Variants in SPATA2L observed in about 807,000 individuals in gnomAD.
SPATA2L encodes the protein spermatogenesis-associated protein 2-like protein.
Under a neutral mutation model 8.7 loss-of-function variants are expected in SPATA2L, and 5 were observed. The observed-to-expected ratio is 0.57, with a 90% CI of 0.30 to 1.21. The LOEUF is 1.21. Among genes scored for constraint, SPATA2L ranks in the 50% most tolerant of loss-of-function variants. The pLI is 0.07. For missense variants in SPATA2L, 671 were observed against 591.0 expected (o/e 1.14, Z -1.40); for synonymous variants, 358 against 275.8 (o/e 1.30, Z -2.95).
intron 2 of SPATA2L, among the ~76,000 whole-genome samples, chr16:89,700,529 T>C (rs531005595): frequency 2.6e-5 from 4 of 152,270 alleles, no homozygotes; most frequent in African/African-American, 9.6e-5. Flanking sequence ...CCATCTGCAG[T>C]CCTCCCAGCC....
chr16:89,697,824 G>A lies in SPATA2L; in HGVS notation c.785C>T (p.Pro262Leu), dbSNP rs779719663. ...CAGTTTGGCACTCTGCTCCCAGAGT[G>A]GTGGCCTGTAGGCCAGCTCCGCCGG... ...SPPAELAYRP[P>L]LWEQSAKLWG... The change falls in exon 3 of 3, where the codon CCA becomes CTA. Residue 262 changes from proline to leucine, a missense_variant. Coordinates refer to ENST00000289805, the MANE Select transcript of SPATA2L (RefSeq NM_152339.4). 8 of 1,605,444 alleles carry A rather than the reference G, an allele frequency of 5.0e-6. No homozygotes were observed. In the East Asian group the frequency reaches 1.6e-4, roughly 32 times the overall value.
chr16:89,696,945 C>T lies in SPATA2L; in HGVS notation c.*389G>A. 6.6e-7 allele frequency: 1 copy of T among 1,509,270 alleles called. No individual in the cohort carries two copies. Among genetic ancestry groups the T allele is most frequent in the South Asian group, 1.2e-5 (1 of 80,850 alleles). 93.5% of individuals were successfully genotyped at this position (1,509,270 alleles called of 1,614,324 possible). A position where few individuals can be genotyped will look rare whatever the true frequency, so the allele number is the denominator to read the frequency against. On this transcript the variant is annotated 3_prime_UTR_variant, in exon 3 of 3. Transcript: ENST00000289805. The stretch of plus-strand genomic sequence containing the variant: ...AGAATCCCTGGGACACGTGGAGGAC[C>T]CCCAAGTCCTGAGCCCCGTACTCCG...
chr16:89,698,356 C>T (rs1164008804), intron 2 of SPATA2L, 51 bp from the exon 3 acceptor site: 9 of 1,513,204 alleles, frequency 5.9e-6, no homozygotes, highest in Non-Finnish European at 7.1e-6. Flanking sequence ...ATAGGCCAGA[C>T]CCTAGGGTAC....
Position 89,696,804 on chromosome 16 carries a change from C to T in SPATA2L, c.*530G>A, listed in dbSNP as rs142501243. On this transcript the variant is annotated 3_prime_UTR_variant, in exon 3 of 3. Transcript: ENST00000289805. ...CTGTGACACCCAAGGGGAGGGCCGG[C>T]GTCCCCGAAGCCAGGTCAGCCGTGC... is the stretch of plus-strand genomic sequence containing the variant. 413 of 1,533,900 alleles carry T rather than the reference C, an allele frequency of 2.7e-4. 3 individuals carry two copies. In the East Asian group the frequency reaches 9.4e-3, roughly 35 times the overall value.
At position 89,697,898 on chromosome 16, in the gene SPATA2L, C is replaced by T. The variant is rs757439668; in HGVS notation, c.711G>A (p.Ser237=). The T allele has an allele frequency of 2.2e-5, 36 of 1,611,512 alleles. No individual in the cohort carries two copies. Among genetic ancestry groups the T allele is most frequent in the South Asian group, 8.8e-5 (8 of 91,030 alleles). The part of the protein sequence containing the change: ...LYRDLQEDEG[S]EDASLYGEPS... ...GCTCCCCATACAGGCTGGCGTCCTC[C>T]GACCCCTCGTCTTCCTGCAAGTCCC... The change falls in exon 3 of 3, where the codon TCG becomes TCA. Residue 237 remains serine, a synonymous_variant. Coordinates refer to ENST00000289805, the MANE Select transcript of SPATA2L (RefSeq NM_152339.4).
Position 89,696,715 on chromosome 16 carries a change from C to T in SPATA2L, c.*619G>A, listed in dbSNP as rs8049909. On this transcript the variant is annotated 3_prime_UTR_variant, in exon 3 of 3. Transcript: ENST00000289805. Reference sequence around the variant, plus strand: ...AGCTGTCAGCCACTGCCCGTTCCTGCGCCTCTCGTGCACCTCCACATCTGG... The same window carrying T: ...AGCTGTCAGCCACTGCCCGTTCCTGTGCCTCTCGTGCACCTCCACATCTGG... The T allele has an allele frequency of 8.5e-3, 11,868 of 1,401,444 alleles. 85 individuals are homozygous for T. The highest frequency in any genetic ancestry group is 0.019 in the Admixed American group (916 of 48,626). 86.8% of individuals were successfully genotyped at this position (1,401,444 alleles called of 1,614,324 possible).
intron 2 of SPATA2L, 115 bp downstream of exon 2, chr16:89,700,815 G>A (rs1309933614): frequency 2.6e-6 from 3 of 1,174,750 alleles, no homozygotes; most frequent in Non-Finnish European, 2.3e-6. Context: ...GAGCCCACCA[G>A]GCACTGAGGA....
Position 89,696,956 on chromosome 16 carries a change from G to A in SPATA2L, c.*378C>T. The A allele has an allele frequency of 4.0e-6, 6 of 1,497,700 alleles. No individual in the cohort carries two copies. The highest frequency in any genetic ancestry group is 4.5e-6 in the Non-Finnish European group (5 of 1,122,606). The allele number at this position is 1,497,700 out of a possible 1,614,324, so 92.8% of individuals were successfully genotyped here. On this transcript the variant is annotated 3_prime_UTR_variant, in exon 3 of 3. Transcript: ENST00000289805. ...GACACGTGGAGGACCCCCAAGTCCTGAGCCCCGTACTCCGTACTGCAGGGA... is the reference window on the plus strand; with the variant it reads ...GACACGTGGAGGACCCCCAAGTCCTAAGCCCCGTACTCCGTACTGCAGGGA...
chr16:89,699,321 T>C (rs1366414831), intron 2 of SPATA2L, among the ~76,000 whole-genome samples: 4 of 152,210 alleles, frequency 2.6e-5, no homozygotes, highest in Non-Finnish European at 4.4e-5. Flanking sequence ...CCCTTTTTTT[T>C]CACCTCTTTG....
intron 2 of SPATA2L, among the ~76,000 whole-genome samples, chr16:89,698,818 C>T (rs2060756119): frequency 6.8e-6 from 1 of 147,706 alleles, no homozygotes; most frequent in Non-Finnish European, 1.5e-5. Context: ...TTTTTTGAGA[C>T]AGAGTCTCGC....
chr16:89,700,757 G>A (rs1310544749), intron 2 of SPATA2L, among the ~76,000 whole-genome samples, 173 bp downstream of exon 2: 2 of 152,166 alleles, frequency 1.3e-5, no homozygotes, highest in African/African-American at 2.4e-5. Context: ...AGCCCTAGGA[G>A]TGGGTGCCCC....
At position 89,697,677 on chromosome 16, in the gene SPATA2L, G is replaced by A. The variant is rs745951760; in HGVS notation, c.932C>T (p.Ser311Phe). The A allele has an allele frequency of 4.3e-6, 7 of 1,611,518 alleles. No homozygotes were observed. Among genetic ancestry groups the A allele is most frequent in the Non-Finnish European group, 5.9e-6 (7 of 1,179,812 alleles). The change falls in exon 3 of 3, where the codon TCT (serine) becomes TTT (phenylalanine). Residue 311 changes from serine to phenylalanine, a missense_variant. Transcript: ENST00000289805. ...AGGCCTACTCAGCTCACGGCGCAGA[G>A]AGAGGAAGGAGAAGGCGGAAGGTTC... ...EPEPSAFSFL[S>F]LRRELSRPGD...
Position 89,697,079 on chromosome 16 carries a change from T to A in SPATA2L, c.*255A>T, listed in dbSNP as rs2060735195. On this transcript the variant is annotated 3_prime_UTR_variant, in exon 3 of 3. Coordinates refer to ENST00000289805, the MANE Select transcript of SPATA2L (RefSeq NM_152339.4). ...GCTGGACCCCTCTACCCAGCACATGTGGGCATGCGTCTGGGTTCCGAGGGT... is the reference window on the plus strand; with the variant it reads ...GCTGGACCCCTCTACCCAGCACATGAGGGCATGCGTCTGGGTTCCGAGGGT... The A allele has an allele frequency of 3.6e-6, 5 of 1,383,200 alleles. No individual in the cohort carries two copies. Among genetic ancestry groups the A allele is most frequent in the Non-Finnish European group, 4.7e-6 (5 of 1,070,508 alleles). 85.7% of individuals were successfully genotyped at this position (1,383,200 alleles called of 1,614,324 possible).
intron 2 of SPATA2L, among the ~76,000 whole-genome samples, chr16:89,699,011 C>T (rs2060757590): frequency 6.6e-6 from 1 of 151,976 alleles, no homozygotes; most frequent in Non-Finnish European, 1.5e-5. Flanking sequence ...AGGTCTTGAT[C>T]CCTTGACCTC....
At chr16:89,700,117 C>G (rs981882689) in intron 2 of SPATA2L, among the ~76,000 whole-genome samples, 1 of 152,236 alleles carries the variant, frequency 6.6e-6, no homozygotes, top group Non-Finnish European at 1.5e-5. Context: ...TGGCCAAGTC[C>G]TCGCGGCCAG....
chr16:89,700,906 C>T (rs775753913), intron 2 of SPATA2L, 24 bp downstream of exon 2: 2 of 1,418,038 alleles, frequency 1.4e-6, no homozygotes, highest in South Asian at 3.1e-5. Context: ...ACGAGGGGCG[C>T]GCTCCTCCTG....
At chr16:89,700,425 G>A (rs1007372207) in intron 2 of SPATA2L, among the ~76,000 whole-genome samples, 18 of 152,194 alleles carry the variant, frequency 1.2e-4, no homozygotes, top group African/African-American at 4.1e-4. Context: ...GAGCTCACCT[G>A]GAGAGGCCAG....
chr16:89,697,553 G>C lies in SPATA2L; in HGVS notation c.1056C>G (p.Pro352=), dbSNP rs756610726. ...GGCAGCTGTGTGCCTGGTAGCCTGG[G>C]GGCTCCGAGACAGACCTATAGGCTG... is the stretch of plus-strand genomic sequence containing the variant. ...PASAYRSVSE[P]PGYQAHSCLS... is the part of the protein sequence containing the mutation. The change falls in exon 3 of 3, where the codon CCC becomes CCG. Residue 352 remains proline (P), a synonymous_variant. Coordinates refer to ENST00000289805, the MANE Select transcript of SPATA2L (RefSeq NM_152339.4). 14 of 1,590,944 alleles carry C rather than the reference G, an allele frequency of 8.8e-6. No individual in the cohort carries two copies. Among genetic ancestry groups the C allele is most frequent in the Non-Finnish European group, 1.2e-5 (14 of 1,169,448 alleles).
In SPATA2L at chr16:89,700,981, G is replaced by A. The variant is rs1322844599; in HGVS notation, c.252C>T (p.Ala84=). The A allele has an allele frequency of 1.3e-6, 2 of 1,558,004 alleles. No individual in the cohort carries two copies. The highest frequency in any genetic ancestry group is 1.7e-6 in the Non-Finnish European group (2 of 1,153,586). ...AGGGCAGCAGGTACAGGTGCACCGC[G>A]GCGAGCTCCAGAAGCTCGAAGGCGC... is the stretch of plus-strand genomic sequence containing the variant. The part of the protein sequence containing the change: ...LARAFELLEL[A]AVHLYLLPWR... Residue 84 remains alanine (A), a synonymous_variant, in exon 2 of 3, where the codon GCC becomes GCT. Transcript: ENST00000289805.
Sources: allele counts gnomAD v4.1 joint callset (sites outside exome capture counted in the v4.1 genomes callset), GRCh38; gene constraint gnomAD v4.1.1; transcripts MANE v1.5; gene names NCBI Gene and HGNC (gene_info 2026-07-23, HGNC 2026-07-21).